NAV3: variants seen among roughly 807,000 people sequenced by gnomAD.
NAV3 encodes pore membrane and/or filament interacting like protein 1.
Under a neutral mutation model 244.7 loss-of-function variants are expected in NAV3, and 87 were observed. The observed-to-expected ratio is 0.36, with a 90% CI of 0.30 to 0.42. The LOEUF (loss-of-function observed/expected upper bound fraction) is 0.42, where lower values mean the gene tolerates loss of function less well. Among genes scored for constraint, NAV3 ranks in the 20% least tolerant of loss-of-function variants. NAV3 has a pLI of 1.00. For missense variants in NAV3, 2,663 were observed against 2,893.3 expected (o/e 0.92, Z 1.83); for synonymous variants, 1,126 against 1,042.2 (o/e 1.08, Z -1.55).
At chr12:77,687,446 C>T (rs17044125) in intron 2 of NAV3, among the ~76,000 whole-genome samples, 8,042 of 152,082 alleles carry the variant, frequency 0.053, 488 homozygotes, top group African/African-American at 0.15. Flanking sequence ...TCCTCTGGGT[C>T]CATCCCAAAC....
rs1956873842 is a variant in NAV3, at chr12:78,146,585, G to A, written c.4707+193G>A. Among the ~76,000 whole-genome samples the A allele has an allele frequency of 3.3e-5, 5 of 152,052 alleles. No homozygotes were observed. In the South Asian group the frequency reaches 1.0e-3, roughly 32 times the overall value. On this transcript the variant is annotated intron_variant, in intron 21 of 39. Transcript: ENST00000397909. ...AATAAAATGAAAGGAAGTTTGTATA[G>A]CAAGCTGTCCTTTCACATTCTAGAT... is the stretch of plus-strand genomic sequence containing the variant.
chr12:77,770,350 A>C (rs1177801043), intron 2 of NAV3, among the ~76,000 whole-genome samples: 1 of 152,192 alleles, frequency 6.6e-6, no homozygotes, highest in Non-Finnish European at 1.5e-5. Flanking sequence ...CGGCTGAGTT[A>C]GAGACCTCCC....
chr12:78,070,845 T>A (rs1296553562), intron 12 of NAV3, among the ~76,000 whole-genome samples: 1 of 149,604 alleles, frequency 6.7e-6, no homozygotes, highest in Non-Finnish European at 1.5e-5. Flanking sequence ...GAATGATGAT[T>A]TCCAATTTCA....
At chr12:78,005,716 A>G (rs1593255257) in intron 7 of NAV3, among the ~76,000 whole-genome samples, 1 of 152,316 alleles carries the variant, frequency 6.6e-6, no homozygotes, top group East Asian at 1.9e-4. Context: ...CTCATTAGAT[A>G]CCTAAATCAT....
intron 2 of NAV3, among the ~76,000 whole-genome samples, chr12:77,673,314 A>G (rs927887598): frequency 2.0e-5 from 3 of 152,166 alleles, no homozygotes; most frequent in Non-Finnish European, 2.9e-5. Flanking sequence ...TCAGCGTCTC[A>G]CATGAATGAT....
At chr12:78,028,682 C>T (rs1878480897) in intron 9 of NAV3, among the ~76,000 whole-genome samples, 1 of 152,168 alleles carries the variant, frequency 6.6e-6, no homozygotes, top group African/African-American at 2.4e-5. Context: ...AGGCTTGGAT[C>T]ACCAGGGACA....
chr12:78,198,684 T>C lies in NAV3; in HGVS notation c.6518+8T>C. 1 of 1,468,350 alleles carries C rather than the reference T, an allele frequency of 6.8e-7. No homozygotes were observed. The highest frequency in any genetic ancestry group is 3.0e-5 in the East Asian group (1 of 33,634). The allele number at this position is 1,468,350 out of a possible 1,614,324, so 91.0% of individuals were successfully genotyped here. ...GCTGCATCACAATTTCAGGTAAAGT[T>C]AAGTTGAAGGTTTTTTTGTTTTGTT... On this transcript the variant is annotated splice_region_variant and intron_variant, in intron 36 of 39. Transcript: ENST00000397909.
At chr12:77,661,741 C>G (rs1394077668) in intron 2 of NAV3, among the ~76,000 whole-genome samples, 1 of 151,994 alleles carries the variant, frequency 6.6e-6, no homozygotes, top group East Asian at 1.9e-4. Flanking sequence ...AGACTACATT[C>G]TAAGTGCTTT....
intron 2 of NAV3, among the ~76,000 whole-genome samples, chr12:77,718,782 C>G (rs997414457): frequency 6.6e-6 from 1 of 151,900 alleles, no homozygotes; most frequent in African/African-American, 2.4e-5. Context: ...CTCAGCCTCC[C>G]AAGTAGCTGG....
At chr12:78,057,771 G>A (rs1043448246) in intron 11 of NAV3, among the ~76,000 whole-genome samples, 6 of 152,168 alleles carry the variant, frequency 3.9e-5, no homozygotes, top group Non-Finnish European at 4.4e-5. Flanking sequence ...AGCCCACACA[G>A]CTAGTAAGTA....
At chr12:77,597,250 C>T (rs1870210950) in intron 2 of NAV3, among the ~76,000 whole-genome samples, 2 of 151,964 alleles carry the variant, frequency 1.3e-5, no homozygotes, top group Non-Finnish European at 2.9e-5. Flanking sequence ...AACAAGATAC[C>T]GTATGTTGTT....
chr12:77,776,554 A>G (rs750676752), intron 2 of NAV3, among the ~76,000 whole-genome samples: 6 of 152,208 alleles, frequency 3.9e-5, no homozygotes, highest in Non-Finnish European at 7.3e-5. Context: ...CTTTTTGTTC[A>G]GTAGAAGGAC....
chr12:78,085,428 A>G (rs1953582351), intron 12 of NAV3, among the ~76,000 whole-genome samples: 1 of 152,160 alleles, frequency 6.6e-6, no homozygotes, highest in African/African-American at 2.4e-5. Context: ...ATTGGCCAAA[A>G]CACATCACAT....
intron 2 of NAV3, among the ~76,000 whole-genome samples, chr12:77,768,127 G>T (rs1027898412): frequency 6.6e-6 from 1 of 152,188 alleles, no homozygotes; most frequent in Non-Finnish European, 1.5e-5. Context: ...TCATCTGCCC[G>T]AATCTGGCTG....
Position 77,907,861 on chromosome 12 carries a change from A to G in NAV3, c.244-32458A>G, listed in dbSNP as rs182674812. ...GGCTCAGTAAATGTTAACTCACTGC[A>G]CTATTTCTTGTCTACATAACGTTAC... On this transcript the variant is annotated intron_variant, in intron 1 of 39. Coordinates refer to ENST00000397909, the MANE Select transcript of NAV3 (RefSeq NM_001024383.2). 7.2e-5 allele frequency among the ~76,000 whole-genome samples: 11 copies of G among 152,214 alleles called. No individual in the cohort carries two copies. In the East Asian group the frequency reaches 2.1e-3, roughly 29 times the overall value.
intron 12 of NAV3, among the ~76,000 whole-genome samples, chr12:78,093,786 G>A (rs1954090651): frequency 6.6e-6 from 1 of 151,926 alleles, no homozygotes; most frequent in African/African-American, 2.4e-5. Context: ...TAATCCCAAA[G>A]GACTGTTGTT....
At chr12:77,772,818 G>A (rs2135884102) in intron 2 of NAV3, among the ~76,000 whole-genome samples, 1 of 152,276 alleles carries the variant, frequency 6.6e-6, no homozygotes, top group East Asian at 1.9e-4. Context: ...TTTGGGACAT[G>A]TATGTTACAT....
chr12:77,797,908 C>T (rs181663437), intron 2 of NAV3, among the ~76,000 whole-genome samples: 15 of 151,624 alleles, frequency 9.9e-5, no homozygotes, highest in African/African-American at 3.4e-4. Flanking sequence ...GTGGCTCATG[C>T]CTGTAATCCC....
intron 23 of NAV3, among the ~76,000 whole-genome samples, chr12:78,167,983 C>CAT (rs200223206): frequency 0.049 from 7,457 of 151,524 alleles, 204 homozygotes; most frequent in Non-Finnish European, 0.072. Context: ...TTTATTGGGA[C>CAT]ATCTTAAAAT....
Sources: allele counts gnomAD v4.1 joint callset (sites outside exome capture counted in the v4.1 genomes callset), GRCh38; gene constraint gnomAD v4.1.1; transcripts MANE v1.5; gene names NCBI Gene and HGNC (gene_info 2026-07-23, HGNC 2026-07-21).